PELI2: variants seen among roughly 807,000 people sequenced by gnomAD.
PELI2 encodes the protein E3 ubiquitin-protein ligase pellino homolog 2.
In PELI2, 23 loss-of-function variants were observed where a neutral mutation model predicts 42.3. The observed-to-expected ratio is 0.54, with a 90% CI of 0.39 to 0.77. The LOEUF (loss-of-function observed/expected upper bound fraction) is 0.77. Ranked by LOEUF, PELI2 falls within the 30% of genes least tolerant of loss-of-function variation. The pLI, the probability that PELI2 is intolerant of heterozygous loss-of-function variation, is 0.00. For synonymous variants in PELI2, 245 were observed against 212.2 expected (o/e 1.15, Z -1.34); for missense variants, 463 against 553.2 (o/e 0.84, Z 1.64).
At chr14:56,130,065 T>G (rs1883428696) in intron 1 of PELI2, among the ~76,000 whole-genome samples, 1 of 152,172 alleles carries the variant, frequency 6.6e-6, no homozygotes, top group South Asian at 2.1e-4. Context: ...TCTGAGTTTT[T>G]TTTTTTCTTT....
chr14:56,255,424 G>T (rs1888493001), intron 2 of PELI2, among the ~76,000 whole-genome samples: 1 of 152,102 alleles, frequency 6.6e-6, no homozygotes, highest in Admixed American at 6.5e-5. Flanking sequence ...CTCATAAGTG[G>T]GAGTTGAACA....
At chr14:56,153,612 A>G (rs1884445657) in intron 1 of PELI2, among the ~76,000 whole-genome samples, 1 of 152,218 alleles carries the variant, frequency 6.6e-6, no homozygotes, top group South Asian at 2.1e-4. Flanking sequence ...CTAATATTCT[A>G]TATAAAAGAA....
At chr14:56,247,221 G>A (rs1014831027) in intron 2 of PELI2, among the ~76,000 whole-genome samples, 3 of 152,142 alleles carry the variant, frequency 2.0e-5, no homozygotes, top group Non-Finnish European at 4.4e-5. Context: ...ACAGGAATGG[G>A]AACAGTCTCT....
At chr14:56,201,782 C>G (rs140223724) in intron 2 of PELI2, among the ~76,000 whole-genome samples, 176 of 152,244 alleles carry the variant, frequency 1.2e-3, no homozygotes, top group Middle Eastern at 6.8e-3. Context: ...TAATTCCATC[C>G]ATAGTCAATT....
intron 1 of PELI2, among the ~76,000 whole-genome samples, chr14:56,176,940 A>G (rs939933227): frequency 6.6e-6 from 1 of 152,240 alleles, no homozygotes; most frequent in Non-Finnish European, 1.5e-5. Flanking sequence ...ATATTAAAAC[A>G]AAACGGGTTT....
intron 2 of PELI2, among the ~76,000 whole-genome samples, chr14:56,204,960 G>T (rs1473055084): frequency 6.6e-6 from 1 of 151,380 alleles, no homozygotes; most frequent in Non-Finnish European, 1.5e-5. Flanking sequence ...GACATGGGAG[G>T]CGGAGGGTGC....
At chr14:56,146,260 G>GT (rs1884113947) in intron 1 of PELI2, among the ~76,000 whole-genome samples, 1 of 152,106 alleles carries the variant, frequency 6.6e-6, no homozygotes, top group East Asian at 1.9e-4. Context: ...CTGCCTCTTG[G>GT]TTTTTTGTTA....
chr14:56,260,160 AG>A (rs1418263667), intron 2 of PELI2, among the ~76,000 whole-genome samples: 4 of 152,088 alleles, frequency 2.6e-5, no homozygotes, highest in African/African-American at 9.7e-5. Context: ...ATCCCCCTCT[AG>A]GTATTTACCC....
intron 2 of PELI2, among the ~76,000 whole-genome samples, chr14:56,206,473 G>A (rs1388444160): frequency 2.6e-5 from 4 of 152,052 alleles, no homozygotes; most frequent in African/African-American, 9.7e-5. Flanking sequence ...TTGGTCATAC[G>A]AAGCGCTCCA....
chr14:56,196,301 GTGT>G (rs990727099), intron 2 of PELI2, among the ~76,000 whole-genome samples: 1 of 152,110 alleles, frequency 6.6e-6, no homozygotes, highest in African/African-American at 2.4e-5. Context: ...CCTGAAACTA[GTGT>G]GTCTGGCATT....
chr14:56,154,837 A>C (rs1884490545), intron 1 of PELI2, among the ~76,000 whole-genome samples: 1 of 152,214 alleles, frequency 6.6e-6, no homozygotes, highest in Non-Finnish European at 1.5e-5. Flanking sequence ...TTGTTGCTAA[A>C]TTACTTTGTG....
intron 2 of PELI2, among the ~76,000 whole-genome samples, chr14:56,270,525 T>C (rs2139853682): frequency 6.6e-6 from 1 of 152,334 alleles, no homozygotes; most frequent in African/African-American, 2.4e-5. Flanking sequence ...ATAATAGTCA[T>C]TAGTTCTAGA....
intron 2 of PELI2, among the ~76,000 whole-genome samples, chr14:56,215,451 ATAGG>A (rs1886874277): frequency 2.0e-5 from 3 of 152,218 alleles, no homozygotes; most frequent in Non-Finnish European, 4.4e-5. Flanking sequence ...GGTTTCCTCA[ATAGG>A]TAGGTAGAAG....
chr14:56,137,623 G>GAGC (rs1883732643), intron 1 of PELI2, among the ~76,000 whole-genome samples: 1 of 152,246 alleles, frequency 6.6e-6, no homozygotes, highest in East Asian at 1.9e-4. Flanking sequence ...CTTCATAACT[G>GAGC]AGCAATATAG....
chr14:56,215,331 C>G (rs569431588), intron 2 of PELI2, among the ~76,000 whole-genome samples: 1 of 152,284 alleles, frequency 6.6e-6, no homozygotes, highest in East Asian at 1.9e-4. Context: ...ATAGACAACC[C>G]TATACTGTTG....
At chr14:56,182,021 G>A (rs917232202) in intron 2 of PELI2, among the ~76,000 whole-genome samples, 2 of 152,226 alleles carry the variant, frequency 1.3e-5, no homozygotes, top group Non-Finnish European at 2.9e-5. Flanking sequence ...TGGATATTCT[G>A]CTGTGAACAA....
chr14:56,170,828 CT>C (rs1192554458), intron 1 of PELI2, among the ~76,000 whole-genome samples: 11 of 152,182 alleles, frequency 7.2e-5, no homozygotes, highest in African/African-American at 2.7e-4. Flanking sequence ...ACTGTTTGCT[CT>C]GCATATATGA....
intron 1 of PELI2, among the ~76,000 whole-genome samples, chr14:56,162,082 C>T (rs975419732): frequency 6.6e-6 from 1 of 152,148 alleles, no homozygotes; most frequent in Non-Finnish European, 1.5e-5. Context: ...TTATGGAGAA[C>T]AGGGTATCCA....
At chr14:56,210,575 C>G (rs1260764688) in intron 2 of PELI2, among the ~76,000 whole-genome samples, 1 of 151,968 alleles carries the variant, frequency 6.6e-6, no homozygotes, top group African/African-American at 2.4e-5. Flanking sequence ...GTTTGTGATC[C>G]CATTAGTTCA....
Sources: gnomAD v4.1 joint callset for allele counts (sites outside exome capture counted in the v4.1 genomes callset) on GRCh38, gnomAD v4.1.1 for gene constraint, MANE v1.5 for transcripts, NCBI Gene and HGNC (gene_info 2026-07-23, HGNC 2026-07-21) for gene names.